The following CSPP1 variants were observed in gnomAD, a reference collection of about 807,000 sequenced individuals.
CSPP1 encodes the protein centrosome and spindle pole-associated protein 1.
Under a neutral mutation model 164.4 loss-of-function variants are expected in CSPP1, and 126 were observed. That is an observed-to-expected ratio of 0.77 (90% confidence interval 0.66 to 0.89). The LOEUF (loss-of-function observed/expected upper bound fraction) is 0.89, where lower values mean the gene tolerates loss of function less well. Among genes scored for constraint, CSPP1 ranks in the 40% least tolerant of loss-of-function variants. CSPP1 has a pLI of 0.00. For missense variants in CSPP1, 1,395 were observed against 1,449.8 expected, an observed-to-expected ratio of 0.96 and a Z score of 0.61; for synonymous variants, 472 against 476.7, an observed-to-expected ratio of 0.99 and a Z score of 0.13.
At chr8:67,164,058 T>G (rs1255804219) in intron 23 of CSPP1, among the ~76,000 whole-genome samples, 30 of 152,180 alleles carry the variant, frequency 2.0e-4, no homozygotes, top group Non-Finnish European at 3.2e-4. Flanking sequence ...CTGTGCATTT[T>G]TATCATGCAC....
At chr8:67,195,106 A>G (rs1438725187) in intron 30 of CSPP1, among the ~76,000 whole-genome samples, 1 of 152,168 alleles carries the variant, frequency 6.6e-6, no homozygotes, top group Non-Finnish European at 1.5e-5. Flanking sequence ...TGCCTTTGAT[A>G]TGCTTAGAAT....
intron 25 of CSPP1, chr8:67,174,292 T>G (rs534629373): frequency 4.6e-5 from 7 of 152,264 alleles, no homozygotes; most frequent in African/African-American, 1.7e-4. Flanking sequence ...TTTCACTATT[T>G]TGTTCTTTTG....
chr8:67,150,024 G>T, intron 18 of CSPP1, 89 bp downstream of exon 18: 1 of 1,301,516 alleles, frequency 7.7e-7, no homozygotes, highest in Non-Finnish European at 1.0e-6. Flanking sequence ...AGTTCTTATT[G>T]GGATCTTGAG....
chr8:67,111,908 T>C, intron 9 of CSPP1, 64 bp from the exon 10 acceptor site: 2 of 983,268 alleles, frequency 2.0e-6, no homozygotes, highest in Non-Finnish European at 3.1e-6. Context: ...TTTAAGGACT[T>C]AACTTTCTAA....
chr8:67,165,009 T>C (rs567399322), intron 24 of CSPP1, among the ~76,000 whole-genome samples: 23 of 152,188 alleles, frequency 1.5e-4, no homozygotes, highest in Non-Finnish European at 3.2e-4. Flanking sequence ...GCAGGCTGGG[T>C]GCAGTTGCTC....
chr8:67,070,723 A>AT (rs1806580778), intron 1 of CSPP1, among the ~76,000 whole-genome samples: 4 of 99,952 alleles, frequency 4.0e-5, no homozygotes, highest in African/African-American at 2.0e-4. Flanking sequence ...ATATATGTAA[A>AT]TATATATATA....
chr8:67,131,154 G>T (rs1224032335), intron 15 of CSPP1, among the ~76,000 whole-genome samples: 1 of 152,088 alleles, frequency 6.6e-6, no homozygotes, highest in African/African-American at 2.4e-5. Flanking sequence ...CAGCACTTTG[G>T]GAGGCTAAGG....
chr8:67,191,523 G>A (rs907239525), intron 29 of CSPP1, among the ~76,000 whole-genome samples: 1 of 152,172 alleles, frequency 6.6e-6, no homozygotes, highest in Admixed American at 6.5e-5. Flanking sequence ...GTATAAATGA[G>A]ATCATACACT....
intron 17 of CSPP1, among the ~76,000 whole-genome samples, chr8:67,145,520 C>CTTT (rs1053090081): frequency 2.8e-5 from 4 of 143,710 alleles, no homozygotes; most frequent in African/African-American, 7.7e-5. Flanking sequence ...TAATTTCTTT[C>CTTT]TTTTTTTTTT....
intron 24 of CSPP1, among the ~76,000 whole-genome samples, chr8:67,171,924 T>G (rs1187945166): frequency 6.6e-6 from 1 of 151,540 alleles, no homozygotes; most frequent in Non-Finnish European, 1.5e-5. Flanking sequence ...CTCAGCTCAC[T>G]GCAACCTCCA....
intron 7 of CSPP1, 24 bp downstream of exon 7, chr8:67,095,756 T>A (rs757589368): frequency 7.3e-7 from 1 of 1,361,198 alleles, no homozygotes; most frequent in Non-Finnish European, 1.0e-6. Context: ...CATTTTTATT[T>A]TATTTGCTTA....
intron 18 of CSPP1, among the ~76,000 whole-genome samples, chr8:67,150,143 T>G (rs528250918): frequency 6.6e-6 from 1 of 152,252 alleles, no homozygotes; most frequent in African/African-American, 2.4e-5. Flanking sequence ...CTTCCTACTG[T>G]GTTTCTTCTC....
intron 8 of CSPP1, among the ~76,000 whole-genome samples, chr8:67,104,967 T>TATATATATATATATATA (rs61548979): frequency 1.1e-5 from 1 of 87,630 alleles, no homozygotes; most frequent in Non-Finnish European, 2.0e-5. Context: ...TATATATATA[T>TATATATATATATATATA]TTTTTTTTTT....
intron 3 of CSPP1, among the ~76,000 whole-genome samples, chr8:67,077,683 A>G (rs879567829): frequency 2.0e-5 from 3 of 152,234 alleles, no homozygotes; most frequent in Non-Finnish European, 2.9e-5. Flanking sequence ...ATTGATGATG[A>G]CAAACTTTTT....
At chr8:67,134,369 T>A (rs1821812048) in intron 16 of CSPP1, 1 of 152,158 alleles carries the variant, frequency 6.6e-6, no homozygotes, top group South Asian at 2.1e-4. Context: ...TATATCTAGC[T>A]CTTGGTTGAC....
chr8:67,149,435 A>C (rs1197086647), intron 17 of CSPP1, among the ~76,000 whole-genome samples: 1 of 152,162 alleles, frequency 6.6e-6, no homozygotes, highest in Non-Finnish European at 1.5e-5. Flanking sequence ...ATGACAGGTA[A>C]ATTACACTAT....
At chr8:67,107,601 T>C (rs1815849771) in intron 9 of CSPP1, among the ~76,000 whole-genome samples, 1 of 152,158 alleles carries the variant, frequency 6.6e-6, no homozygotes, top group Admixed American at 6.5e-5. Flanking sequence ...CCCAAAACTA[T>C]GTTTGTACAT....
chr8:67,137,117 GATTACACA>G (rs929850190), intron 16 of CSPP1, among the ~76,000 whole-genome samples: 1 of 151,966 alleles, frequency 6.6e-6, no homozygotes, highest in African/African-American at 2.4e-5. Context: ...AAGTAGCTGG[GATTACACA>G]TGTGCGCAAC....
rs905622518 is a variant in CSPP1 at position 67,196,518 on chromosome 8, C to A, written c.*925C>A. The stretch of plus-strand genomic sequence containing the variant: ...CATGACAGCTGAGAACATCCCCAGG[C>A]ACTGCTTCTCTCTCTAATAATACTT... On this transcript the variant is annotated 3_prime_UTR_variant, in exon 31 of 31. Coordinates refer to ENST00000678616, the MANE Select transcript of CSPP1 (RefSeq NM_001382391.1). Among the ~76,000 whole-genome samples, 2 of 152,212 alleles carry A rather than the reference C, an allele frequency of 1.3e-5. No individual in the cohort carries two copies. The highest frequency in any genetic ancestry group is 2.4e-5 in the African/African-American group (1 of 41,460).
Sources: allele counts gnomAD v4.1 joint callset (sites outside exome capture counted in the v4.1 genomes callset), GRCh38; gene constraint gnomAD v4.1.1; transcripts MANE v1.5; gene names NCBI Gene and HGNC (gene_info 2026-07-23, HGNC 2026-07-21).